CAMK1D: variants seen among roughly 807,000 people sequenced by gnomAD.
CAMK1D encodes calcium/calmodulin-dependent protein kinase type 1D.
CAMK1D carries 9 observed loss-of-function variants against 47.7 expected under a neutral mutation model. The observed-to-expected ratio is 0.19, with a 90% CI of 0.11 to 0.33. The LOEUF is 0.33. CAMK1D is among the 10% of genes least tolerant of loss of function. The pLI, the probability that CAMK1D is intolerant of heterozygous loss-of-function variation, is 1.00. For synonymous variants in CAMK1D, 184 were observed against 184.9 expected, an observed-to-expected ratio of 0.99 and a Z score of 0.04; for missense variants, 291 against 488.7, an observed-to-expected ratio of 0.60 and a Z score of 3.81.
At chr10:12,721,633 A>G (rs1471320315) in intron 3 of CAMK1D, among the ~76,000 whole-genome samples, 2 of 152,354 alleles carry the variant, frequency 1.3e-5, no homozygotes, top group Admixed American at 1.3e-4. Context: ...AACAAAATAG[A>G]CAAGGACCCT....
chr10:12,727,767 C>CG (rs1554817385), intron 3 of CAMK1D, among the ~76,000 whole-genome samples: 2 of 144,234 alleles, frequency 1.4e-5, no homozygotes. Context: ...TAATCACAGC[C>CG]TTTTTTTTTT....
At chr10:12,602,971 T>C (rs73572263) in intron 2 of CAMK1D, among the ~76,000 whole-genome samples, 19,256 of 150,912 alleles carry the variant, frequency 0.13, 1,351 homozygotes, top group African/African-American at 0.17. Context: ...AGTATAGTGG[T>C]GCGATCTTGG....
chr10:12,776,277 C>T (rs1837243064), intron 5 of CAMK1D, among the ~76,000 whole-genome samples: 1 of 152,188 alleles, frequency 6.6e-6, no homozygotes, highest in Non-Finnish European at 1.5e-5. Context: ...GTTTTTGGGC[C>T]TGATAACCCT....
intron 2 of CAMK1D, among the ~76,000 whole-genome samples, chr10:12,640,107 C>T (rs1163266178): frequency 2.0e-5 from 3 of 152,180 alleles, no homozygotes; most frequent in Non-Finnish European, 2.9e-5. Flanking sequence ...TCCTTCCTCT[C>T]GAAGAATCAG....
At chr10:12,408,033 T>C (rs534135272) in intron 1 of CAMK1D, among the ~76,000 whole-genome samples, 5 of 152,206 alleles carry the variant, frequency 3.3e-5, no homozygotes, top group African/African-American at 1.2e-4. Flanking sequence ...AATTTTTATA[T>C]TTTTAGTAGA....
chr10:12,695,022 C>CGATAGATAGATA (rs563091966), intron 3 of CAMK1D, among the ~76,000 whole-genome samples: 15 of 144,042 alleles, frequency 1.0e-4, no homozygotes, highest in African/African-American at 3.4e-4. Flanking sequence ...ATAAATCTCT[C>CGATAGATAGATA]GATAGATAGA....
rs191902249 is a variant in CAMK1D, at chr10:12,802,915, C to T, written c.642-11280C>T. Among the ~76,000 whole-genome samples, 3 of 152,286 alleles carry T rather than the reference C, an allele frequency of 2.0e-5. No individual in the cohort carries two copies. In the East Asian group the frequency reaches 5.8e-4, roughly 29 times the overall value. Reference sequence around the variant, plus strand: ...AATCATGACCGTCTGACTGCAGAGGCAGGTTCTGAAAGAGAACATGCAGGT... The same window carrying T: ...AATCATGACCGTCTGACTGCAGAGGTAGGTTCTGAAAGAGAACATGCAGGT... On this transcript the variant is annotated intron_variant, in intron 6 of 10. Coordinates refer to ENST00000619168, the MANE Select transcript of CAMK1D (RefSeq NM_153498.4).
chr10:12,760,633 G>A (rs950766486), intron 3 of CAMK1D: 7 of 217,724 alleles, frequency 3.2e-5, no homozygotes, highest in South Asian at 1.1e-4. Context: ...ATCCGAGGAC[G>A]CTGGTATTCA....
At chr10:12,378,981 T>G (rs555500468) in intron 1 of CAMK1D, among the ~76,000 whole-genome samples, 1 of 152,216 alleles carries the variant, frequency 6.6e-6, no homozygotes, top group African/African-American at 2.4e-5. Context: ...GGCTAATTTT[T>G]GTATTTTTAG....
intron 2 of CAMK1D, among the ~76,000 whole-genome samples, chr10:12,604,249 T>C (rs911151184): frequency 6.6e-6 from 1 of 152,178 alleles, no homozygotes; most frequent in Non-Finnish European, 1.5e-5. Flanking sequence ...TGTGAACGAA[T>C]GTCATAGAAC....
chr10:12,615,926 A>ATGTG (rs751916210), intron 2 of CAMK1D, among the ~76,000 whole-genome samples: 2 of 149,268 alleles, frequency 1.3e-5, no homozygotes, highest in African/African-American at 5.0e-5. Context: ...AGGTGTGTGT[A>ATGTG]TGTGTGTTTG....
At chr10:12,476,726 C>G (rs140470825) in intron 1 of CAMK1D, among the ~76,000 whole-genome samples, 1 of 152,236 alleles carries the variant, frequency 6.6e-6, no homozygotes, top group East Asian at 1.9e-4. Context: ...ATTTCCACCT[C>G]TTTTCTTACC....
chr10:12,375,823 C>T (rs1838160978), intron 1 of CAMK1D, among the ~76,000 whole-genome samples: 1 of 152,044 alleles, frequency 6.6e-6, no homozygotes, highest in East Asian at 1.9e-4. Flanking sequence ...AGATTGTGCT[C>T]TTTTGCAGTT....
At chr10:12,524,807 T>C (rs1835565389) in intron 1 of CAMK1D, among the ~76,000 whole-genome samples, 1 of 152,248 alleles carries the variant, frequency 6.6e-6, no homozygotes, top group African/African-American at 2.4e-5. Flanking sequence ...CAGATATTTA[T>C]CATTTCTTTA....
At chr10:12,637,786 G>A (rs1342507423) in intron 2 of CAMK1D, among the ~76,000 whole-genome samples, 1 of 152,118 alleles carries the variant, frequency 6.6e-6, no homozygotes, top group East Asian at 1.9e-4. Context: ...ATATTGAGGC[G>A]GCTCACTCAG....
chr10:12,833,661 G>C lies in CAMK1D; in HGVS notation c.*4774G>C, dbSNP rs1833457054. On this transcript the variant is annotated 3_prime_UTR_variant, in exon 11 of 11. Coordinates refer to ENST00000619168, the MANE Select transcript of CAMK1D (RefSeq NM_153498.4). The stretch of plus-strand genomic sequence containing the variant: ...ACAAGCACACGACTGGGATTCCTTT[G>C]GATATGAGAAAGGAAGGCAAGTGCG... 1 of 152,178 alleles carries C rather than the reference G, an allele frequency of 6.6e-6. No homozygotes were observed. Among genetic ancestry groups the C allele is most frequent in the African/African-American group, 2.4e-5 (1 of 41,440 alleles). 9.4% of individuals were successfully genotyped at this position (152,178 alleles called of 1,614,324 possible). A position where few individuals can be genotyped will look rare whatever the true frequency, so the allele number is the denominator to read the frequency against.
chr10:12,514,802 GTGTA>G (rs1162509633), intron 1 of CAMK1D, among the ~76,000 whole-genome samples: 1 of 152,210 alleles, frequency 6.6e-6, no homozygotes, highest in East Asian at 1.9e-4. Flanking sequence ...GGCTAGTGCC[GTGTA>G]TTTACTGGTA....
At chr10:12,743,474 T>C (rs919630109) in intron 3 of CAMK1D, among the ~76,000 whole-genome samples, 7 of 151,976 alleles carry the variant, frequency 4.6e-5, no homozygotes, top group Non-Finnish European at 7.4e-5. Flanking sequence ...GATGAAATAA[T>C]GGGTCTATAA....
At chr10:12,656,945 CAG>C (rs1041098549) in intron 2 of CAMK1D, among the ~76,000 whole-genome samples, 1 of 152,078 alleles carries the variant, frequency 6.6e-6, no homozygotes, top group Non-Finnish European at 1.5e-5. Context: ...GAAATCAAAT[CAG>C]AAAGTATTTA....
Sources: gnomAD v4.1 joint callset for allele counts (sites outside exome capture counted in the v4.1 genomes callset) on GRCh38, gnomAD v4.1.1 for gene constraint, MANE v1.5 for transcripts, NCBI Gene and HGNC (gene_info 2026-07-23, HGNC 2026-07-21) for gene names.